DMWD: variants seen among roughly 807,000 people sequenced by gnomAD.
The protein encoded by DMWD is dystrophia myotonica WD repeat-containing protein.
In DMWD, 19 loss-of-function variants were observed where a neutral mutation model predicts 45.8. The ratio of observed to expected loss-of-function variants is 0.41; its 90% CI spans 0.29 to 0.61. The LOEUF is 0.61. Ranked by LOEUF, DMWD falls within the 20% of genes least tolerant of loss-of-function variation. DMWD has a pLI of 0.25. For synonymous variants in DMWD, 515 were observed against 440.5 expected, an observed-to-expected ratio of 1.17 and a Z score of -2.12; for missense variants, 802 against 965.2, an observed-to-expected ratio of 0.83 and a Z score of 2.24.
At chr19:45,787,925 C>T (rs1186076148) in intron 2 of DMWD, among the ~76,000 whole-genome samples, 1 of 152,060 alleles carries the variant, frequency 6.6e-6, no homozygotes, top group Non-Finnish European at 1.5e-5. Flanking sequence ...ACTAAAAATA[C>T]AAAAATTAGC....
rs1970209576 is a variant in DMWD at position 45,783,352 on chromosome 19, G to A, written c.*891C>T. ...CCTCCAACCGGCCTGGGGTGCCTGGGCCTTGAGAGGGCCAGGCCTGAGAAA... is the reference window on the plus strand; with the variant it reads ...CCTCCAACCGGCCTGGGGTGCCTGGACCTTGAGAGGGCCAGGCCTGAGAAA... On this transcript the variant is annotated 3_prime_UTR_variant, in exon 5 of 5. Coordinates refer to ENST00000270223, the MANE Select transcript of DMWD (RefSeq NM_004943.2). 2.6e-6 allele frequency: 1 copy of A among 385,660 alleles called. No individual in the cohort carries two copies. The highest frequency in any genetic ancestry group is 1.4e-4 in the South Asian group (1 of 6,914). 23.9% of individuals were successfully genotyped at this position (385,660 alleles called of 1,614,324 possible).
intron 2 of DMWD, among the ~76,000 whole-genome samples, chr19:45,787,684 C>T (rs1024733783): frequency 5.9e-5 from 9 of 152,230 alleles, no homozygotes; most frequent in African/African-American, 1.9e-4. Context: ...CCCCCCATCC[C>T]GCTAGGTGCT....
chr19:45,786,481 G>A lies in DMWD; in HGVS notation c.1015C>T (p.Arg339Cys), dbSNP rs374226582. ...TCTTCGCCACCCGTCACCACGTAGC[G>A]GCCGTCAGGGCTCCAGCACACACAC... ...LLCVCWSPDG[R>C]YVVTGGEDDL... is the part of the protein sequence containing the mutation. Residue 339 changes from arginine to cysteine, a missense_variant, in exon 3 of 5, where the codon CGC (arginine) becomes TGC (cysteine). Arg to Cys is a radical substitution (Grantham distance 180). This residue lies in a region of DMWD where 146 missense variants were observed against 212.8 expected (regional missense o/e 0.69). Coordinates refer to ENST00000270223, the MANE Select transcript of DMWD (RefSeq NM_004943.2). 3.1e-6 allele frequency: 5 copies of A among 1,612,698 alleles called. No homozygotes were observed. The highest frequency in any genetic ancestry group is 2.5e-6 in the Non-Finnish European group (3 of 1,178,974).
intron 2 of DMWD, chr19:45,787,178 G>T: frequency 4.3e-6 from 2 of 466,920 alleles, no homozygotes; most frequent in South Asian, 4.4e-5. Flanking sequence ...GTATCTCGGG[G>T]TCCTCAACCT....
In DMWD at chr19:45,783,840, G is replaced by C; in HGVS notation, c.*403C>G. ...AAAAGCACAGACAATAGCAAGGGCA[G>C]CTGGGGTGGGGGCCGGGCGAGGGCT... On this transcript the variant is annotated 3_prime_UTR_variant, in exon 5 of 5. Transcript: ENST00000270223. 2.2e-6 allele frequency: 1 copy of C among 464,380 alleles called. No homozygotes were observed. The allele number at this position is 464,380 out of a possible 1,614,324, so 28.8% of individuals were successfully genotyped here.
chr19:45,786,101 T>A lies in DMWD; in HGVS notation c.1395A>T (p.Thr465=). 1.3e-6 allele frequency: 2 copies of A among 1,523,192 alleles called. No individual in the cohort carries two copies. Among genetic ancestry groups the A allele is most frequent in the Non-Finnish European group, 8.8e-7 (1 of 1,133,890 alleles). 94.4% of individuals were successfully genotyped at this position (1,523,192 alleles called of 1,614,324 possible). ...TGGCGGCCGGTGGCGTGGTGCCAGGTGTGCCAGGGAGGGTGCGGGTGCGGG... is the reference window on the plus strand; with the variant it reads ...TGGCGGCCGGTGGCGTGGTGCCAGGAGTGCCAGGGAGGGTGCGGGTGCGGG... The part of the protein sequence containing the change: ...PLARTRTLPG[T]PGTTPPAASS... Residue 465 remains threonine, a synonymous_variant, in exon 3 of 5, where the codon ACA becomes ACT. Transcript: ENST00000270223.
rs763208905 is a variant in DMWD at position 45,785,973 on chromosome 19, G to A, written c.1523C>T (p.Pro508Leu). ...HPAGGGKAGG[P>L]GVAAEPGTPF... ...TGTGCCAGGCTCTGCCGCCACACCC[G>A]GGCCGCCCGCCTTGCCCCCGCCAGC... The change falls in exon 3 of 5, where the codon CCG (proline) becomes CTG (leucine). Residue 508 changes from proline to leucine, a missense_variant. Transcript: ENST00000270223. 7.0e-6 allele frequency: 11 copies of A among 1,574,878 alleles called. No individual in the cohort carries two copies. Among genetic ancestry groups the A allele is most frequent in the African/African-American group, 1.4e-5 (1 of 73,950 alleles).
chr19:45,792,240 T>C lies in DMWD; in HGVS notation c.441+76A>G, dbSNP rs1970364339. On this transcript the variant is annotated intron_variant, in intron 1 of 4. Transcript: ENST00000270223. ...TGCCTATCTCAGGGCCCCATATCAA[T>C]TCGGGGACCCTCCTATCAGTTCTCT... 6 of 1,513,892 alleles carry C rather than the reference T, an allele frequency of 4.0e-6. No individual in the cohort carries two copies. The East Asian group carries it at 8.0e-5, about 20-fold the overall frequency. The allele number at this position is 1,513,892 out of a possible 1,614,324, so 93.8% of individuals were successfully genotyped here.
At chr19:45,785,343 G>A (rs983764908) in intron 3 of DMWD, 20 of 1,228,816 alleles carry the variant, frequency 1.6e-5, no homozygotes, top group South Asian at 3.7e-5. Context: ...CAGACGGCCA[G>A]CCTTGGATGC....
In DMWD at chr19:45,786,133, G is replaced by T; in HGVS notation, c.1363C>A (p.Pro455Thr). 6.5e-7 allele frequency: 1 copy of T among 1,535,234 alleles called. No homozygotes were observed. The highest frequency in any genetic ancestry group is 1.7e-4 in the Middle Eastern group (1 of 5,834). Residue 455 changes from proline to threonine, a missense_variant, in exon 3 of 5, where the codon CCC becomes ACC. By Grantham distance (38) the Pro-to-Thr change is conservative (BLOSUM62 -1). Transcript: ENST00000270223. ...GGGAGGGTGCGGGTGCGGGCCAGGG[G>T]GGGGTGCGGGTAGAGCACGTCTTCA... ...LTEDVLYPHPPLARTRTLPGT... is the reference protein window; with the variant it reads ...LTEDVLYPHPTLARTRTLPGT...
intron 1 of DMWD, 125 bp from the exon 2 acceptor site, chr19:45,791,212 G>C (rs1244985941): frequency 1.0e-6 from 1 of 993,012 alleles, no homozygotes; most frequent in Non-Finnish European, 1.5e-6. Context: ...GGGGAGGTGA[G>C]TAGGTGGATT....
At position 45,785,615 on chromosome 19, in the gene DMWD, G is replaced by A; in HGVS notation, c.1881C>T (p.Thr627=). The change falls in exon 3 of 5, where the codon ACC becomes ACT. Residue 627 remains threonine (T), a synonymous_variant. Transcript: ENST00000270223. ...TCACCGCCTTGCCCGGCCGGGCCCAGGTGCAGATGAGGCCCTCCTGGCAGG... is the reference window on the plus strand; with the variant it reads ...TCACCGCCTTGCCCGGCCGGGCCCAAGTGCAGATGAGGCCCTCCTGGCAGG... ...ITACQEGLIC[T]WARPGKAFTD... is the part of the protein sequence containing the mutation. The A allele has an allele frequency of 6.6e-7, 1 of 1,515,396 alleles. No individual in the cohort carries two copies. The allele number at this position is 1,515,396 out of a possible 1,614,324, so 93.9% of individuals were successfully genotyped here.
rs1970261682 is a variant in DMWD at position 45,785,759 on chromosome 19, C to A, written c.1737G>T (p.Leu579=). The change falls in exon 3 of 5, where the codon CTG becomes CTT. Residue 579 remains leucine, a synonymous_variant. Transcript: ENST00000270223. ...GGATGCGCGGGCACAGCGCAGTGCC[C>A]AGCACCTTGGCGGGGTCCAGGCGGC... ...PRSRLDPAKV[L]GTALCPRIHE... is the part of the protein sequence containing the mutation. 1 of 1,611,138 alleles carries A rather than the reference C, an allele frequency of 6.2e-7. No individual in the cohort carries two copies. The highest frequency in any genetic ancestry group is 1.1e-5 in the South Asian group (1 of 90,846).
At position 45,785,830 on chromosome 19, in the gene DMWD, C is replaced by T. The variant is rs773920306; in HGVS notation, c.1666G>A (p.Gly556Ser). The T allele has an allele frequency of 2.0e-5, 32 of 1,611,026 alleles. No individual in the cohort carries two copies. The highest frequency in any genetic ancestry group is 2.4e-5 in the Non-Finnish European group (28 of 1,179,672). ...GGCTTCTCCCCACCACTGCCACTGC[C>T]GCCACTGCCACCCCGGCTGATGTTG... ...LGNISRGGSG[G>S]SGSGGEKPSG... The change falls in exon 3 of 5, where the codon GGC (glycine) becomes AGC (serine). Residue 556 changes from glycine to serine, a missense_variant. Gly to Ser is a moderately conservative substitution (Grantham distance 56). Transcript: ENST00000270223.
chr19:45,788,881 A>T (rs1970318250), intron 2 of DMWD, among the ~76,000 whole-genome samples: 1 of 151,412 alleles, frequency 6.6e-6, no homozygotes, highest in South Asian at 2.1e-4. Flanking sequence ...GTGAACGAAG[A>T]TCGTACCACT....
rs976370605 is a variant in DMWD at position 45,783,041 on chromosome 19, G to A, written c.*1202C>T. ...GGTGGGGAAGGGGTGGTGAGGACAG[G>A]ACCAGGAGGGGGCACCCTCAGAGCC... On this transcript the variant is annotated 3_prime_UTR_variant, in exon 5 of 5. Coordinates refer to ENST00000270223, the MANE Select transcript of DMWD (RefSeq NM_004943.2). The A allele has an allele frequency of 1.6e-4, 22 of 138,124 alleles. No homozygotes were observed. Among genetic ancestry groups the A allele is most frequent in the African/African-American group, 6.2e-4 (22 of 35,628 alleles). 8.6% of individuals were successfully genotyped at this position (138,124 alleles called of 1,614,324 possible).
In DMWD at chr19:45,784,212, A is replaced by G. The variant is rs1434479684; in HGVS notation, c.*31T>C. On this transcript the variant is annotated 3_prime_UTR_variant, in exon 5 of 5. Coordinates refer to ENST00000270223, the MANE Select transcript of DMWD (RefSeq NM_004943.2). ...GGGTTATGGCTAGGAGGCTGGGGGC[A>G]TGGGGTTGGGGGGGCCCGATATCCA... The G allele has an allele frequency of 7.4e-7, 1 of 1,353,090 alleles. No homozygotes were observed. The highest frequency in any genetic ancestry group is 1.3e-5 in the South Asian group (1 of 78,254). The allele number at this position is 1,353,090 out of a possible 1,614,324, so 83.8% of individuals were successfully genotyped here. A position where few individuals can be genotyped will look rare whatever the true frequency, so the allele number is the denominator to read the frequency against.
In DMWD at chr19:45,783,715, AG is replaced by A; in HGVS notation, c.*527del. ...AGGTCCTCTACATCATCTCCTCCGA[AG>A]GGGACAGACCCGCTGAGAAAACAGG... On this transcript the variant is annotated 3_prime_UTR_variant, in exon 5 of 5. Coordinates refer to ENST00000270223, the MANE Select transcript of DMWD (RefSeq NM_004943.2). 2.3e-6 allele frequency: 1 copy of A among 431,204 alleles called. No individual in the cohort carries two copies. The highest frequency in any genetic ancestry group is 2.0e-5 in the African/African-American group (1 of 48,884). 26.7% of individuals were successfully genotyped at this position (431,204 alleles called of 1,614,324 possible).
chr19:45,785,455 C>T, intron 3 of DMWD, 139 bp downstream of exon 3: 4 of 1,391,052 alleles, frequency 2.9e-6, no homozygotes, highest in African/African-American at 1.5e-5. Flanking sequence ...TGTACTGAGA[C>T]ACTAAGATTT....
Sources: allele counts gnomAD v4.1 joint callset (sites outside exome capture counted in the v4.1 genomes callset), GRCh38; gene constraint gnomAD v4.1.1; regional missense constraint gnomAD v4.1.1; transcripts MANE v1.5; gene names NCBI Gene and HGNC (gene_info 2026-07-23, HGNC 2026-07-21).